Variants in MBD4 observed in about 807,000 individuals in gnomAD.
The protein encoded by MBD4 is methyl-CpG-binding domain protein 4.
A neutral mutation model predicts 60.2 loss-of-function variants in MBD4; 53 were observed. The ratio of observed to expected loss-of-function variants is 0.88; its 90% confidence interval spans 0.71 to 1.11. MBD4 has a LOEUF of 1.11. Ranked by LOEUF, MBD4 falls within the 50% of genes least tolerant of loss-of-function variation. MBD4 has a pLI of 0.00. For missense variants in MBD4, 619 were observed against 674.0 expected (o/e 0.92, Z 0.90); for synonymous variants, 231 against 229.8 (o/e 1.01, Z -0.05).
At chr3:129,433,810 A>G (rs1180151095) in intron 5 of MBD4, 40 bp downstream of exon 5, 1 of 1,612,978 alleles carries the variant, frequency 6.2e-7, no homozygotes, top group Non-Finnish European at 8.5e-7. Flanking sequence ...TCCCTACCAC[A>G]CTGTCTCTAC....
In MBD4 at chr3:129,431,301, T is replaced by TA. The variant is rs901954599; in HGVS notation, c.*199dup. ...ATTGTTGTCAAATAATAATTTATTT[T>TA]AAAAAAATCTCAAAACATGTTCAAA... On this transcript the variant is annotated 3_prime_UTR_variant, in exon 8 of 8. Transcript: ENST00000429544. The TA allele has an allele frequency of 5.5e-6, 3 of 542,926 alleles. No homozygotes were observed. The highest frequency in any genetic ancestry group is 2.4e-5 in the South Asian group (1 of 41,188). The allele number at this position is 542,926 out of a possible 1,614,324, so 33.6% of individuals were successfully genotyped here. A position where few individuals can be genotyped will look rare whatever the true frequency, so the allele number is the denominator to read the frequency against.
chr3:129,433,059 A>G (rs774859566), intron 6 of MBD4, 39 bp downstream of exon 6: 1 of 1,610,788 alleles, frequency 6.2e-7, no homozygotes, highest in African/African-American at 1.3e-5. Context: ...AAATAAGCAC[A>G]ATGTATTATG....
At chr3:129,439,156 G>A (rs939902503) in intron 1 of MBD4, among the ~76,000 whole-genome samples, 1 of 152,196 alleles carries the variant, frequency 6.6e-6, no homozygotes, top group Admixed American at 6.5e-5. Flanking sequence ...GTTTTCTGAT[G>A]TAATTTGGGG....
At chr3:129,438,967 A>C (rs1237691366) in intron 1 of MBD4, among the ~76,000 whole-genome samples, 1 of 152,132 alleles carries the variant, frequency 6.6e-6, no homozygotes, top group Non-Finnish European at 1.5e-5. Context: ...ACTTCATTAA[A>C]GTTCCAATGT....
In MBD4 at chr3:129,432,392, G is replaced by A. The variant is rs900379127; in HGVS notation, c.1647+111C>T. 12 of 1,596,854 alleles carry A rather than the reference G, an allele frequency of 7.5e-6. No individual in the cohort carries two copies. In the East Asian group the frequency reaches 2.3e-4, roughly 30 times the overall value. ...CTTCCCCGCAGCCAGGAACACAATT[G>A]TTTGTGACTGTAATAGCATTTGTAT... On this transcript the variant is annotated intron_variant, in intron 7 of 7. Coordinates refer to ENST00000429544, the MANE Select transcript of MBD4 (RefSeq NM_001276270.2).
At chr3:129,432,045 G>C (rs2072354965) in intron 7 of MBD4, 2 of 700,638 alleles carry the variant, frequency 2.9e-6, no homozygotes, top group South Asian at 4.5e-5. Context: ...CTGCCAGGAT[G>C]ACCACCAGCA....
rs1226446616 is a variant in MBD4 at position 129,434,108 on chromosome 3, TTCTA to T, written c.1208_1211del (p.Ile403LysfsTer81). The T allele has an allele frequency of 6.2e-7, 1 of 1,614,076 alleles. No individual in the cohort carries two copies. The highest frequency in any genetic ancestry group is 8.5e-7 in the Non-Finnish European group (1 of 1,179,936). ...AAAAATACAGGCTTGTTTTCCTTCT[TTCTA>T]TCTGTGTTCGTGGGATGGTATCTTC... is the stretch of plus-strand genomic sequence containing the variant. On this transcript the variant is annotated frameshift_variant, in exon 4 of 8. Transcript: ENST00000429544. LOFTEE classifies it high-confidence loss of function.
rs776851968 is a variant in MBD4, at chr3:129,436,621, G to C, written c.1023C>G (p.Asp341Glu). The change falls in exon 3 of 8, where the codon GAC becomes GAG. Residue 341 changes from aspartate (D) to glutamate (E), a missense_variant. Asp to Glu is a conservative substitution (Grantham distance 45, BLOSUM62 2). Coordinates refer to ENST00000429544, the MANE Select transcript of MBD4 (RefSeq NM_001276270.2). The part of the protein sequence containing the change: ...GIINKFCSAK[D>E]SEHNEKYEDT... Reference sequence around the variant, plus strand: ...CCTCATACTTCTCGTTGTGTTCTGAGTCTTTGGCTGAACAAAATTTGTTTA... The same window carrying C: ...CCTCATACTTCTCGTTGTGTTCTGACTCTTTGGCTGAACAAAATTTGTTTA... 5.6e-6 allele frequency: 9 copies of C among 1,613,896 alleles called. 1 individual carries two copies. In the Admixed American group the frequency reaches 1.5e-4, roughly 27 times the overall value.
chr3:129,437,038 T>G lies in MBD4; in HGVS notation c.606A>C (p.Arg202Ser). 6.2e-7 allele frequency: 1 copy of G among 1,614,218 alleles called. No individual in the cohort carries two copies. Among genetic ancestry groups the G allele is most frequent in the Non-Finnish European group, 8.5e-7 (1 of 1,180,044 alleles). ...PSSSSELQES[R>S]GLSNFTSTHL... ...GAGTGGAAGTAAAGTTAGAGAGTCC[T>G]CTGCTCTCCTGCAACTCTGAACTAC... Residue 202 changes from arginine to serine, a missense_variant, in exon 3 of 8, where the codon AGA becomes AGC. Arg to Ser is a moderately radical substitution (Grantham distance 110, BLOSUM62 -1). Transcript: ENST00000429544.
chr3:129,435,285 T>C (rs1170256740), intron 3 of MBD4, among the ~76,000 whole-genome samples: 3 of 152,174 alleles, frequency 2.0e-5, no homozygotes, highest in Non-Finnish European at 4.4e-5. Flanking sequence ...CAACTTTTTC[T>C]GTGGGCTCCT....
chr3:129,434,104 T>A lies in MBD4; in HGVS notation c.1216A>T (p.Arg406Trp). 6.2e-7 allele frequency: 1 copy of A among 1,614,046 alleles called. No homozygotes were observed. Among genetic ancestry groups the A allele is most frequent in the Non-Finnish European group, 8.5e-7 (1 of 1,179,890 alleles). Residue 406 changes from arginine (R) to tryptophan (W), a missense_variant, in exon 4 of 8, where the codon AGG becomes TGG. By Grantham distance (101) the Arg-to-Trp change is moderately radical. Coordinates refer to ENST00000429544, the MANE Select transcript of MBD4 (RefSeq NM_001276270.2). Reference sequence around the variant, plus strand: ...CTGGAAAAATACAGGCTTGTTTTCCTTCTTTCTATCTGTGTTCGTGGGATG... The same window carrying A: ...CTGGAAAAATACAGGCTTGTTTTCCATCTTTCTATCTGTGTTCGTGGGATG... ...DTIPRTQIER[R>W]KTSLYFSSKY...
At chr3:129,438,276 T>G (rs1054730348) in intron 1 of MBD4, among the ~76,000 whole-genome samples, 2 of 152,212 alleles carry the variant, frequency 1.3e-5, no homozygotes, top group South Asian at 4.1e-4. Context: ...TATGAACCAA[T>G]AGCTAAGCTC....
chr3:129,437,249 C>T lies in MBD4; in HGVS notation c.395G>A (p.Gly132Glu), dbSNP rs765699814. 6.2e-7 allele frequency: 1 copy of T among 1,611,694 alleles called. No homozygotes were observed. Among genetic ancestry groups the T allele is most frequent in the South Asian group, 1.1e-5 (1 of 90,602 alleles). ...ATCTTCTGGCTTAAGAGAAGTCTCT[C>T]CATTTTTGTGAAGATAATTAGCAAG... Reference protein sequence around the residue: ...SSLANYLHKNGETSLKPEDFD... With the variant: ...SSLANYLHKNEETSLKPEDFD... Residue 132 changes from glycine (G) to glutamate (E), a missense_variant, in exon 3 of 8, where the codon GGA (glycine) becomes GAA (glutamate). Physicochemically the swap from Gly to Glu is moderately conservative, Grantham distance 98. Transcript: ENST00000429544.
chr3:129,431,041 T>G lies in MBD4; in HGVS notation c.*460A>C, dbSNP rs1302711626. 3.0e-5 allele frequency: 5 copies of G among 168,192 alleles called. No homozygotes were observed. Among genetic ancestry groups the G allele is most frequent in the African/African-American group, 1.2e-4 (5 of 41,388 alleles). The allele number at this position is 168,192 out of a possible 1,614,324, so 10.4% of individuals were successfully genotyped here. A position where few individuals can be genotyped will look rare whatever the true frequency, so the allele number is the denominator to read the frequency against. On this transcript the variant is annotated 3_prime_UTR_variant, in exon 8 of 8. Transcript: ENST00000429544. Reference sequence around the variant, plus strand: ...TCATCCAGACTGGAGTGCAGTGGCATGATCATGGCTCACTGAAGCCTTGAC... The same window carrying G: ...TCATCCAGACTGGAGTGCAGTGGCAGGATCATGGCTCACTGAAGCCTTGAC...
At position 129,433,996 on chromosome 3, in the gene MBD4, T is replaced by C. The variant is rs1167726326; in HGVS notation, c.1259-12A>G. On this transcript the variant is annotated splice_polypyrimidine_tract_variant and intron_variant, in intron 4 of 7. Coordinates refer to ENST00000429544, the MANE Select transcript of MBD4 (RefSeq NM_001276270.2). ...TGGGGGGCTAAGAGCTAAACAAACA[T>C]AGTGCATCAGAATTGAAAACCCAAA... 2.5e-6 allele frequency: 4 copies of C among 1,613,980 alleles called. No homozygotes were observed. The highest frequency in any genetic ancestry group is 1.1e-5 in the South Asian group (1 of 91,084).
Position 129,434,072 on chromosome 3 carries a change from A to T in MBD4, c.1248T>A (p.Tyr416Ter), listed in dbSNP as rs1390025108. Reference protein sequence around the residue: ...RKTSLYFSSKYNKEALSPPRR... With the variant: ...RKTSLYFSSK ...TTGGGAAAGGGATACCTTCTTTGTT[A>T]TATTTGCTGGAAAAATACAGGCTTG... Residue 416 changes from tyrosine to a stop codon, truncating the protein, a stop_gained, in exon 4 of 8, where the codon TAT (tyrosine) becomes TAA (stop). Coordinates refer to ENST00000429544, the MANE Select transcript of MBD4 (RefSeq NM_001276270.2). LOFTEE classifies it high-confidence loss of function. The T allele has an allele frequency of 6.2e-7, 1 of 1,613,996 alleles. No individual in the cohort carries two copies. Among genetic ancestry groups the T allele is most frequent in the Non-Finnish European group, 8.5e-7 (1 of 1,179,990 alleles).
In MBD4 at chr3:129,434,068, T is replaced by G; in HGVS notation, c.1252A>C (p.Lys418Gln). The part of the protein sequence containing the change: ...TSLYFSSKYN[K>Q]EALSPPRRKA... Reference sequence around the variant, plus strand: ...CTGATTGGGAAAGGGATACCTTCTTTGTTATATTTGCTGGAAAAATACAGG... The same window carrying G: ...CTGATTGGGAAAGGGATACCTTCTTGGTTATATTTGCTGGAAAAATACAGG... Residue 418 changes from lysine to glutamine, a missense_variant, in exon 4 of 8, where the codon AAA (lysine) becomes CAA (glutamine). Coordinates refer to ENST00000429544, the MANE Select transcript of MBD4 (RefSeq NM_001276270.2). The G allele has an allele frequency of 2.5e-6, 4 of 1,614,144 alleles. No individual in the cohort carries two copies. The African/African-American group carries it at 5.3e-5, about 22-fold the overall frequency.
rs2072706728 is a variant in MBD4, at chr3:129,439,823, G to C, written c.11C>G (p.Thr4Ser). The part of the protein sequence containing the change: MGT[T>S]GLESLSLGDR... ...CCCCAGACTCAGACTCTCCAGCCCA[G>C]TCGTGCCCATCGAGCAGGGTCCGGC... Residue 4 changes from threonine to serine, a missense_variant, in exon 1 of 8, where the codon ACT becomes AGT. Thr to Ser is a moderately conservative substitution (Grantham distance 58). Transcript: ENST00000429544. The C allele has an allele frequency of 3.7e-6, 6 of 1,611,346 alleles. No individual in the cohort carries two copies. Among genetic ancestry groups the C allele is most frequent in the Non-Finnish European group, 5.1e-6 (6 of 1,178,892 alleles).
intron 6 of MBD4, 103 bp from the exon 7 acceptor site, chr3:129,432,709 G>A: frequency 1.8e-6 from 2 of 1,108,050 alleles, no homozygotes; most frequent in South Asian, 1.2e-5. Context: ...AAAGGGACAG[G>A]AAAGGCTCTT....
Sources: allele counts gnomAD v4.1 joint callset (sites outside exome capture counted in the v4.1 genomes callset), GRCh38; gene constraint gnomAD v4.1.1; transcripts MANE v1.5; gene names NCBI Gene and HGNC (gene_info 2026-07-23, HGNC 2026-07-21).